Variants in CEP135 observed in about 807,000 individuals in gnomAD.
CEP135 encodes the protein centrosomal protein of 135 kDa.
CEP135 carries 142 observed loss-of-function variants against 157.3 expected under a neutral mutation model. The observed-to-expected ratio is 0.90, with a 90% CI of 0.79 to 1.04. The LOEUF (loss-of-function observed/expected upper bound fraction) is 1.04. Ranked by LOEUF, CEP135 falls within the 50% of genes least tolerant of loss-of-function variation. The pLI is 0.00. For synonymous variants in CEP135, 396 were observed against 439.8 expected, an observed-to-expected ratio of 0.90 and a Z score of 1.25; for missense variants, 1,317 against 1,309.2, an observed-to-expected ratio of 1.01 and a Z score of -0.09.
At chr4:56,029,684 G>C (rs986880070) in intron 25 of CEP135, among the ~76,000 whole-genome samples, 1 of 152,186 alleles carries the variant, frequency 6.6e-6, no homozygotes, top group Non-Finnish European at 1.5e-5. Context: ...GCTCCTAGGC[G>C]ATAAATCTGT....
intron 13 of CEP135, 38 bp downstream of exon 13, chr4:55,981,417 G>T (rs1453478590): frequency 5.9e-6 from 9 of 1,534,624 alleles, no homozygotes; most frequent in Admixed American, 2.3e-5. Context: ...GTAATTTGTT[G>T]AGAAAAAGAG....
chr4:56,017,995 C>CT, intron 22 of CEP135, 138 bp downstream of exon 22: 3 of 742,132 alleles, frequency 4.0e-6, no homozygotes, highest in Admixed American at 6.1e-5. Flanking sequence ...GAGTTTTGCT[C>CT]TGTCGCTTAG....
At chr4:55,973,332 CG>C in intron 10 of CEP135, among the ~76,000 whole-genome samples, 1 of 152,180 alleles carries the variant, frequency 6.6e-6, no homozygotes, top group Non-Finnish European at 1.5e-5. Flanking sequence ...CCATTCTCCA[CG>C]GGGGATATTT....
intron 24 of CEP135, among the ~76,000 whole-genome samples, chr4:56,024,094 A>G (rs963177095): frequency 6.3e-5 from 9 of 143,150 alleles, no homozygotes; most frequent in African/African-American, 2.3e-4. Flanking sequence ...GTATATTAGT[A>G]TTAGTTATAT....
In CEP135 at chr4:55,981,421, A is replaced by G. The variant is rs370185677; in HGVS notation, c.1779+42A>G. On this transcript the variant is annotated intron_variant, in intron 13 of 25. Transcript: ENST00000257287. ...GTTTTTGAAAGGTAATTTGTTGAGA[A>G]AAAGAGGTCTTTGTATATACATTTT... The G allele has an allele frequency of 7.8e-6, 12 of 1,529,668 alleles. No individual in the cohort carries two copies. In the African/African-American group the frequency reaches 1.4e-4, roughly 18 times the overall value. The allele number at this position is 1,529,668 out of a possible 1,614,324, so 94.8% of individuals were successfully genotyped here.
Position 56,020,787 on chromosome 4 carries a change from C to T in CEP135, c.3320+7C>T. 3 of 1,603,972 alleles carry T rather than the reference C, an allele frequency of 1.9e-6. No individual in the cohort carries two copies. The highest frequency in any genetic ancestry group is 2.6e-6 in the Non-Finnish European group (3 of 1,173,148). ...CAACTGAAAGATACGAACGGTAAGACAAATTTTTTTTACATTTGACAATGT... is the reference window on the plus strand; with the variant it reads ...CAACTGAAAGATACGAACGGTAAGATAAATTTTTTTTACATTTGACAATGT... On this transcript the variant is annotated splice_region_variant and intron_variant, in intron 24 of 25. Coordinates refer to ENST00000257287, the MANE Select transcript of CEP135 (RefSeq NM_025009.5).
chr4:55,990,034 G>A (rs372055764), intron 14 of CEP135, among the ~76,000 whole-genome samples: 10 of 152,314 alleles, frequency 6.6e-5, no homozygotes, highest in African/African-American at 1.7e-4. Flanking sequence ...CTTTTGTGCT[G>A]TGATGGAGTA....
chr4:56,026,645 C>G (rs749537694), intron 25 of CEP135, among the ~76,000 whole-genome samples: 3 of 152,172 alleles, frequency 2.0e-5, no homozygotes, highest in Admixed American at 1.3e-4. Context: ...TATGGTTATA[C>G]TTAGAAGTGA....
chr4:55,957,394 G>A (rs1226598204), intron 5 of CEP135, 30 bp downstream of exon 5: 1 of 1,598,156 alleles, frequency 6.3e-7, no homozygotes, highest in East Asian at 2.2e-5. Flanking sequence ...CTTGGCTTGA[G>A]TTAATTGAGC....
At chr4:55,958,289 G>C (rs1728567336) in intron 5 of CEP135, among the ~76,000 whole-genome samples, 3 of 152,052 alleles carry the variant, frequency 2.0e-5, no homozygotes, top group Admixed American at 2.0e-4. Context: ...TTAAAAATTA[G>C]CCGAGCATGG....
At chr4:55,996,111 T>C (rs920538917) in intron 15 of CEP135, among the ~76,000 whole-genome samples, 5 of 152,186 alleles carry the variant, frequency 3.3e-5, no homozygotes, top group Admixed American at 1.3e-4. Context: ...TTTAAGGTAA[T>C]TGATAACCAT....
intron 2 of CEP135, chr4:55,952,544 T>C (rs574483621): frequency 2.4e-4 from 51 of 216,270 alleles, no homozygotes; most frequent in Non-Finnish European, 3.7e-4. Context: ...TTCTTTTTTT[T>C]TCCCCCCCTT....
At chr4:55,975,598 C>T (rs1208349624) in intron 11 of CEP135, among the ~76,000 whole-genome samples, 1 of 152,160 alleles carries the variant, frequency 6.6e-6, no homozygotes, top group African/African-American at 2.4e-5. Flanking sequence ...AGATTAAAAT[C>T]ATGTGTCTCT....
At chr4:55,967,492 G>A (rs1435914742) in intron 8 of CEP135, among the ~76,000 whole-genome samples, 4 of 152,070 alleles carry the variant, frequency 2.6e-5, no homozygotes, top group Non-Finnish European at 5.9e-5. Flanking sequence ...TGAGAGAAAG[G>A]CATTTATAAA....
intron 21 of CEP135, among the ~76,000 whole-genome samples, chr4:56,015,486 G>A (rs1179315534): frequency 1.3e-5 from 2 of 152,254 alleles, no homozygotes; most frequent in Non-Finnish European, 2.9e-5. Flanking sequence ...CACTGCCCCT[G>A]TGGGACACAG....
chr4:56,024,640 C>A (rs182659431), intron 25 of CEP135, 26 bp downstream of exon 25: 1 of 1,406,506 alleles, frequency 7.1e-7, no homozygotes, highest in Non-Finnish European at 1.0e-6. Context: ...CAAGGACAGG[C>A]AAAACTAATC....
rs75803985 is a variant in CEP135 at position 55,976,341 on chromosome 4, G to C, written c.1473+1372G>C. Among the ~76,000 whole-genome samples, 504 of 151,806 alleles carry C rather than the reference G, an allele frequency of 3.3e-3. 2 individuals are homozygous for C. Among genetic ancestry groups the C allele is most frequent in the African/African-American group, 0.012 (480 of 41,444 alleles). On this transcript the variant is annotated intron_variant, in intron 11 of 25. Coordinates refer to ENST00000257287, the MANE Select transcript of CEP135 (RefSeq NM_025009.5). ...TGTTGCTGAGTTTTTTTTAAATTCC[G>C]TATATACTTAGGACTCAGGAAAAAT...
chr4:55,963,021 A>C (rs896083283), intron 6 of CEP135, among the ~76,000 whole-genome samples: 7 of 148,788 alleles, frequency 4.7e-5, no homozygotes, highest in African/African-American at 1.2e-4. Context: ...TCTGGTTTCG[A>C]CTCCTTTATT....
chr4:55,964,726 G>T (rs1001585581), intron 7 of CEP135: 2 of 163,180 alleles, frequency 1.2e-5, no homozygotes, highest in African/African-American at 4.8e-5. Flanking sequence ...AGAAAACGAA[G>T]AGAATATACC....
Sources: allele counts gnomAD v4.1 joint callset (sites outside exome capture counted in the v4.1 genomes callset), GRCh38; gene constraint gnomAD v4.1.1; transcripts MANE v1.5; gene names NCBI Gene and HGNC (gene_info 2026-07-23, HGNC 2026-07-21).